RBBP8NL: variants seen among roughly 807,000 people sequenced by gnomAD.
RBBP8NL encodes RBBP8 N-terminal like, also known as RBBP8 N-terminal-like protein.
In RBBP8NL, 59 loss-of-function variants were observed where a neutral mutation model predicts 62.2. The observed-to-expected ratio is 0.95, with a 90% confidence interval of 0.77 to 1.18. The LOEUF (loss-of-function observed/expected upper bound fraction) is 1.18, where lower values mean the gene tolerates loss of function less well. Ranked by LOEUF, RBBP8NL falls within the 50% of genes most tolerant of loss-of-function variation. RBBP8NL has a pLI of 0.00. For synonymous variants in RBBP8NL, 412 were observed against 394.1 expected, an observed-to-expected ratio of 1.05 and a Z score of -0.54; for missense variants, 896 against 899.5, an observed-to-expected ratio of 1.00 and a Z score of 0.05.
chr20:62,413,648 T>C (rs1988487037), intron 10 of RBBP8NL, 103 bp from the exon 11 acceptor site: 1 of 1,411,550 alleles, frequency 7.1e-7, no homozygotes, highest in Non-Finnish European at 9.4e-7. Context: ...CTGCAGCTGG[T>C]GGAGGGGCCT....
At chr20:62,413,742 G>C (rs373220648) in intron 10 of RBBP8NL, 79 bp downstream of exon 10, 1 of 1,487,378 alleles carries the variant, frequency 6.7e-7, no homozygotes. Flanking sequence ...AGAGCAGCCC[G>C]AGGTCTGGGG....
chr20:62,427,273 C>T (rs1275985531), intron 1 of RBBP8NL, among the ~76,000 whole-genome samples, 187 bp downstream of exon 1: 1 of 152,250 alleles, frequency 6.6e-6, no homozygotes, highest in African/African-American at 2.4e-5. Flanking sequence ...CTCTCCGTTG[C>T]TAGGTCCCTG....
chr20:62,418,356 G>C (rs1242472223), intron 3 of RBBP8NL, 67 bp downstream of exon 3: 1 of 1,425,314 alleles, frequency 7.0e-7, no homozygotes, highest in East Asian at 2.5e-5. Context: ...TGGCACACTG[G>C]GGCTTCAGGG....
chr20:62,415,648 C>T lies in RBBP8NL; in HGVS notation c.557G>A (p.Gly186Glu). 6.2e-7 allele frequency: 1 copy of T among 1,612,968 alleles called. No individual in the cohort carries two copies. Among genetic ancestry groups the T allele is most frequent in the Non-Finnish European group, 8.5e-7 (1 of 1,179,874 alleles). The change falls in exon 8 of 14, where the codon GGG becomes GAG. Residue 186 changes from glycine to glutamate, a missense_variant. By Grantham distance (98) the Gly-to-Glu change is moderately conservative (BLOSUM62 -2). Coordinates refer to ENST00000252998, the MANE Select transcript of RBBP8NL (RefSeq NM_080833.3). ...VGLRGEEKPA[G>E]HRTSPVAKIS... ...TTTGGCCACTGGAGATGTCCTGTGC[C>T]CTGCTGGCTTTTCTGTGGGAGGAGA...
At chr20:62,412,267 G>T (rs1368352002) in intron 13 of RBBP8NL, among the ~76,000 whole-genome samples, 1 of 152,224 alleles carries the variant, frequency 6.6e-6, no homozygotes, top group African/African-American at 2.4e-5. Context: ...TGTGCACCAG[G>T]ACACCCTTCC....
rs767479432 is a variant in RBBP8NL, at chr20:62,413,919, G to A, written c.1432C>T (p.Pro478Ser). ...AAAHTASPEP[P>S]TQSGPLTRSP... ...CGAGTCAGGGGTCCGGACTGGGTGG[G>A]TGGCTCGGGGCTGGCAGTGTGGGCA... Residue 478 changes from proline to serine, a missense_variant, in exon 10 of 14, where the codon CCC (proline) becomes TCC (serine). Physicochemically the swap from Pro to Ser is moderately conservative, Grantham distance 74. Transcript: ENST00000252998. 6.3e-7 allele frequency: 1 copy of A among 1,592,202 alleles called. No homozygotes were observed. Among genetic ancestry groups the A allele is most frequent in the Non-Finnish European group, 8.5e-7 (1 of 1,170,208 alleles).
At chr20:62,423,540 C>A (rs1266994442) in intron 1 of RBBP8NL, among the ~76,000 whole-genome samples, 1 of 152,154 alleles carries the variant, frequency 6.6e-6, no homozygotes, top group Non-Finnish European at 1.5e-5. Context: ...TCTTCCCTGG[C>A]CCCCAGCATC....
chr20:62,418,367 G>C, intron 3 of RBBP8NL, 56 bp downstream of exon 3: 1 of 1,474,664 alleles, frequency 6.8e-7, no homozygotes, highest in Non-Finnish European at 9.3e-7. Context: ...GGCTTCAGGG[G>C]GATGAAGTGG....
At chr20:62,414,934 A>G (rs1236443069) in intron 9 of RBBP8NL, among the ~76,000 whole-genome samples, 187 bp downstream of exon 9, 1 of 152,230 alleles carries the variant, frequency 6.6e-6, no homozygotes, top group East Asian at 1.9e-4. Flanking sequence ...CCCTGCCCCC[A>G]CGCCCCAGGC....
rs541798001 is a variant in RBBP8NL at position 62,412,682 on chromosome 20, C to T, written c.1818G>A (p.Gln606=). ...TGEGPECICT[Q]EHGQGPPRKR... Reference sequence around the variant, plus strand: ...TCCGTGGTGGACCCTGCCCGTGCTCCTGGGTGCAGATGCACTCAGGCCCCT... The same window carrying T: ...TCCGTGGTGGACCCTGCCCGTGCTCTTGGGTGCAGATGCACTCAGGCCCCT... The change falls in exon 13 of 14, where the codon CAG becomes CAA. Residue 606 remains glutamine (Q), a synonymous_variant. Coordinates refer to ENST00000252998, the MANE Select transcript of RBBP8NL (RefSeq NM_080833.3). 12 of 1,608,932 alleles carry T rather than the reference C, an allele frequency of 7.5e-6. No homozygotes were observed. The Admixed American group carries it at 1.2e-4, about 16-fold the overall frequency.
chr20:62,416,122 G>A (rs1988558923), intron 6 of RBBP8NL, 42 bp downstream of exon 6: 1 of 1,571,386 alleles, frequency 6.4e-7, no homozygotes, highest in Admixed American at 1.7e-5. Flanking sequence ...GGGGGGTGCT[G>A]GGGAGTTGGG....
rs1484052863 is a variant in RBBP8NL, at chr20:62,418,568, T to C, written c.62-103A>G. The C allele has an allele frequency of 4.8e-5, 56 of 1,176,100 alleles. No individual in the cohort carries two copies. In the East Asian group the frequency reaches 1.2e-3, roughly 25 times the overall value. The allele number at this position is 1,176,100 out of a possible 1,614,324, so 72.9% of individuals were successfully genotyped here. A position where few individuals can be genotyped will look rare whatever the true frequency, so the allele number is the denominator to read the frequency against. On this transcript the variant is annotated intron_variant, in intron 2 of 13. Transcript: ENST00000252998. ...GCAGAGCTGCAATGTGGCACTCCTG[T>C]CCCCTGCACCCCCTGGGGGAGCCCT...
intron 1 of RBBP8NL, 92 bp from the exon 2 acceptor site, chr20:62,419,822 T>A (rs1988660788): frequency 1.5e-6 from 1 of 651,892 alleles, no homozygotes; most frequent in Admixed American, 2.8e-5. Flanking sequence ...TGTGTCTGTA[T>A]GGAGCAGACC....
In RBBP8NL at chr20:62,415,796, C is replaced by G. The variant is rs558224672; in HGVS notation, c.536G>C (p.Arg179Pro). 4 of 1,612,096 alleles carry G rather than the reference C, an allele frequency of 2.5e-6. No homozygotes were observed. Among genetic ancestry groups the G allele is most frequent in the Non-Finnish European group, 3.4e-6 (4 of 1,179,876 alleles). ...CCCGGTCCCCACAGCACCTTCTCCC[C>G]GTAGGCCCACGCCCTGGTGGTCTTC... is the stretch of plus-strand genomic sequence containing the variant. ...AEEDHQGVGL[R>P]GEEKPAGHRT... Residue 179 changes from arginine (R) to proline (P), a missense_variant, in exon 7 of 14, where the codon CGG (arginine) becomes CCG (proline). By Grantham distance (103) the Arg-to-Pro change is moderately radical. Coordinates refer to ENST00000252998, the MANE Select transcript of RBBP8NL (RefSeq NM_080833.3).
chr20:62,418,896 C>T (rs891160482), intron 2 of RBBP8NL, among the ~76,000 whole-genome samples: 1 of 152,178 alleles, frequency 6.6e-6, no homozygotes, highest in African/African-American at 2.4e-5. Flanking sequence ...CCTGGCTAGC[C>T]CCAGCAGCCC....
chr20:62,416,390 G>C (rs933213596), intron 5 of RBBP8NL, among the ~76,000 whole-genome samples, 154 bp from the exon 6 acceptor site: 2 of 152,196 alleles, frequency 1.3e-5, no homozygotes, highest in African/African-American at 4.8e-5. Flanking sequence ...TGCTGGCTGC[G>C]TGCATGGCTG....
chr20:62,416,980 A>C, intron 4 of RBBP8NL, 108 bp from the exon 5 acceptor site: 1 of 881,926 alleles, frequency 1.1e-6, no homozygotes, highest in Non-Finnish European at 1.7e-6. Flanking sequence ...TTTGCAAACT[A>C]TTCCGTAGAG....
rs201582023 is a variant in RBBP8NL at position 62,412,665 on chromosome 20, G to A, written c.1835C>T (p.Pro612Leu). 3 of 1,607,876 alleles carry A rather than the reference G, an allele frequency of 1.9e-6. No homozygotes were observed. The highest frequency in any genetic ancestry group is 1.7e-4 in the Middle Eastern group (1 of 5,950). Residue 612 changes from proline (P) to leucine (L), a missense_variant, in exon 13 of 14, where the codon CCA becomes CTA. Transcript: ENST00000252998. ...CGAGGCCCGCTTCCTCTTCCGTGGTGGACCCTGCCCGTGCTCCTGGGTGCA... is the reference window on the plus strand; with the variant it reads ...CGAGGCCCGCTTCCTCTTCCGTGGTAGACCCTGCCCGTGCTCCTGGGTGCA... ...CICTQEHGQG[P>L]PRKRKRASEP... is the part of the protein sequence containing the mutation.
intron 1 of RBBP8NL, among the ~76,000 whole-genome samples, chr20:62,421,191 C>A (rs762984920): frequency 3.3e-5 from 5 of 152,234 alleles, no homozygotes; most frequent in African/African-American, 1.2e-4. Context: ...TTGTGCTTCA[C>A]GCGGTCGGGT....
Sources: allele counts gnomAD v4.1 joint callset (sites outside exome capture counted in the v4.1 genomes callset), GRCh38; gene constraint gnomAD v4.1.1; transcripts MANE v1.5; gene names NCBI Gene and HGNC (gene_info 2026-07-23, HGNC 2026-07-21).